ZNF514: variants seen among roughly 807,000 people sequenced by gnomAD.
The protein encoded by ZNF514 is zinc finger protein 514.
ZNF514 carries 12 observed loss-of-function variants against 9.7 expected under a neutral mutation model. That is an observed-to-expected ratio of 1.24 (90% CI 0.79 to 2.01). ZNF514 has a LOEUF of 2.01. ZNF514 is among the 30% of genes most tolerant of loss of function. The pLI is 0.00. For missense variants in ZNF514, 467 were observed against 465.5 expected (o/e 1.00, Z -0.03); for synonymous variants, 158 against 163.7 (o/e 0.97, Z 0.27).
chr2:95,155,880 T>A (rs1673674958), intron 2 of ZNF514, among the ~76,000 whole-genome samples: 1 of 152,128 alleles, frequency 6.6e-6, no homozygotes. Flanking sequence ...CACTGCTCTT[T>A]CCCTCTGATA....
chr2:95,132,154 A>AC, the ZNF514 span, among the ~76,000 whole-genome samples: 8 of 150,566 alleles, frequency 5.3e-5, no homozygotes, highest in Middle Eastern at 3.2e-3. Flanking sequence ...CAAAAAAAAA[A>AC]AAAAAAAAAA....
chr2:95,130,354 ATG>A, the ZNF514 span, among the ~76,000 whole-genome samples: 1 of 152,324 alleles, frequency 6.6e-6, no homozygotes, highest in East Asian at 1.9e-4. Flanking sequence ...AAAATTGCTA[ATG>A]AAGTTTCGGG....
the ZNF514 span, among the ~76,000 whole-genome samples, chr2:95,139,466 T>G: frequency 6.6e-6 from 1 of 152,240 alleles, no homozygotes; most frequent in Non-Finnish European, 1.5e-5. Context: ...AGCTTTGAGA[T>G]TTAATTACTG....
the ZNF514 span, among the ~76,000 whole-genome samples, chr2:95,127,565 TTTTG>T: frequency 1.1e-4 from 16 of 148,882 alleles, no homozygotes; most frequent in Admixed American, 3.3e-4. Flanking sequence ...TTTTTGGTTG[TTTTG>T]TTTTTGTTTT....
the ZNF514 span, among the ~76,000 whole-genome samples, chr2:95,124,324 C>CT: frequency 2.0e-5 from 3 of 152,052 alleles, no homozygotes; most frequent in African/African-American, 7.3e-5. Context: ...TCATGACTGG[C>CT]TTTTTTTCAC....
At chr2:95,136,316 G>A in the ZNF514 span, among the ~76,000 whole-genome samples, 1 of 151,914 alleles carries the variant, frequency 6.6e-6, no homozygotes, top group South Asian at 2.1e-4. Context: ...AAGTGCAGTG[G>A]TGTGATCTTG....
At chr2:95,140,134 G>A (rs910505232), downstream of ZNF514, among the ~76,000 whole-genome samples, 1 of 152,056 alleles carries the variant, frequency 6.6e-6, no homozygotes, top group East Asian at 1.9e-4. Flanking sequence ...CTGTCAGTGG[G>A]TGAGGGGAGC....
intron 4 of ZNF514, 40 bp downstream of exon 4, chr2:95,152,634 T>C: frequency 1.3e-6 from 2 of 1,568,502 alleles, no homozygotes; most frequent in Non-Finnish European, 1.8e-6. Context: ...CCACCCCAGC[T>C]GGGCCTTATC....
chr2:95,153,505 T>C (rs1673600558), intron 2 of ZNF514: 3 of 323,986 alleles, frequency 9.3e-6, no homozygotes, highest in African/African-American at 6.3e-5. Context: ...ATCAACAGTT[T>C]TCTAATAAAG....
At chr2:95,137,793 G>A in the ZNF514 span, among the ~76,000 whole-genome samples, 1 of 152,090 alleles carries the variant, frequency 6.6e-6, no homozygotes, top group African/African-American at 2.4e-5. Flanking sequence ...TACACTTTAG[G>A]GGAACTGATA....
chr2:95,139,407 A>G, the ZNF514 span, among the ~76,000 whole-genome samples: 1 of 152,348 alleles, frequency 6.6e-6, no homozygotes, highest in East Asian at 1.9e-4. Flanking sequence ...CACCCCTTGC[A>G]GCAGTGTGCC....
chr2:95,137,788 T>G, the ZNF514 span, among the ~76,000 whole-genome samples: 2 of 152,180 alleles, frequency 1.3e-5, no homozygotes, highest in Admixed American at 6.5e-5. Flanking sequence ...GCACATACAC[T>G]TTAGGGGAAC....
rs559593391 is a variant in ZNF514 at position 95,145,691 on chromosome 2, G to A, written c.*3591C>T. Among the ~76,000 whole-genome samples the A allele has an allele frequency of 1.5e-3, 232 of 152,148 alleles. No individual in the cohort carries two copies. Among genetic ancestry groups the A allele is most frequent in the Non-Finnish European group, 2.4e-3 (165 of 67,998 alleles). ...TCAAGTTGTCCTGCCTTTCTCCATCGAACCAATGTAAATCTTACATGTATT... is the reference window on the plus strand; with the variant it reads ...TCAAGTTGTCCTGCCTTTCTCCATCAAACCAATGTAAATCTTACATGTATT... On this transcript the variant is annotated 3_prime_UTR_variant, in exon 5 of 5. Coordinates refer to ENST00000295208, the MANE Select transcript of ZNF514 (RefSeq NM_032788.3).
chr2:95,144,451 T>A (rs1194321181), downstream of ZNF514, among the ~76,000 whole-genome samples: 1 of 152,110 alleles, frequency 6.6e-6, no homozygotes, highest in Admixed American at 6.5e-5. Context: ...AAAACCCCAA[T>A]AAAAACTCTG....
intron 1 of ZNF514, 132 bp from the exon 2 acceptor site, chr2:95,157,571 A>C: frequency 2.4e-6 from 1 of 413,234 alleles, no homozygotes. Context: ...GTGGATCAAA[A>C]GGATCTGAGA....
chr2:95,132,008 T>A, the ZNF514 span, among the ~76,000 whole-genome samples: 1 of 151,732 alleles, frequency 6.6e-6, no homozygotes, highest in African/African-American at 2.4e-5. Flanking sequence ...CCAGGCATGG[T>A]GTCAGACACC....
chr2:95,127,665 T>A, the ZNF514 span, among the ~76,000 whole-genome samples: 2 of 152,240 alleles, frequency 1.3e-5, no homozygotes, highest in Non-Finnish European at 2.9e-5. Context: ...TTGCCCAGGC[T>A]GTAGTGCAGT....
rs770279163 is a variant in ZNF514, at chr2:95,159,414, A to G, written c.-270T>C. On this transcript the variant is annotated 5_prime_UTR_variant, in exon 1 of 5. Transcript: ENST00000295208. ...AGGGATTCGGTGAGAGCCTCACAGG[A>G]GCAGGGACCGACTCTATCAGCCCGG... 2 of 162,324 alleles carry G rather than the reference A, an allele frequency of 1.2e-5. No individual in the cohort carries two copies. Among genetic ancestry groups the G allele is most frequent in the Middle Eastern group, 3.0e-3 (1 of 328 alleles). 10.1% of individuals were successfully genotyped at this position (162,324 alleles called of 1,614,324 possible). A position where few individuals can be genotyped will look rare whatever the true frequency, so the allele number is the denominator to read the frequency against.
At chr2:95,152,055 T>C (rs1209186170) in intron 4 of ZNF514, among the ~76,000 whole-genome samples, 1 of 152,208 alleles carries the variant, frequency 6.6e-6, no homozygotes, top group Non-Finnish European at 1.5e-5. Context: ...TCCAGTGTGC[T>C]TGGGTTACAC....
Sources: allele counts gnomAD v4.1 joint callset (sites outside exome capture counted in the v4.1 genomes callset), GRCh38; gene constraint gnomAD v4.1.1; transcripts MANE v1.5; gene names NCBI Gene and HGNC (gene_info 2026-07-23, HGNC 2026-07-21).